The following NELL2 variants were observed in gnomAD, a reference collection of about 807,000 sequenced individuals.
NELL2 encodes the protein protein kinase C-binding protein NELL2.
A neutral mutation model predicts 109.6 loss-of-function variants in NELL2; 41 were observed. That is an observed-to-expected ratio of 0.37 (90% CI 0.29 to 0.49). NELL2 has a LOEUF of 0.49. NELL2 is among the 20% of genes least tolerant of loss of function. The pLI is 0.98. For missense variants in NELL2, 900 were observed against 1,008.3 expected, an observed-to-expected ratio of 0.89 and a Z score of 1.45; for synonymous variants, 355 against 344.7, an observed-to-expected ratio of 1.03 and a Z score of -0.33.
chr12:44,896,064 T>C (rs1480653566), intron 1 of NELL2, among the ~76,000 whole-genome samples: 3 of 152,152 alleles, frequency 2.0e-5, no homozygotes, highest in East Asian at 3.8e-4. Flanking sequence ...GAGATTTCCA[T>C]GTAGGTCAAA....
intron 12 of NELL2, among the ~76,000 whole-genome samples, chr12:44,674,514 A>G (rs1293105692): frequency 2.0e-5 from 3 of 152,226 alleles, no homozygotes; most frequent in Non-Finnish European, 4.4e-5. Flanking sequence ...TGAAATGTTC[A>G]GGAACAATAA....
intron 13 of NELL2, among the ~76,000 whole-genome samples, chr12:44,663,789 T>A (rs1004964696): frequency 6.6e-6 from 1 of 152,222 alleles, no homozygotes; most frequent in Non-Finnish European, 1.5e-5. Context: ...AATGAATCTC[T>A]TAAAAATATC....
At position 44,508,680 on chromosome 12, in the gene NELL2, T is replaced by C. The variant is rs1324285175; in HGVS notation, c.*254A>G. 6.5e-6 allele frequency: 3 copies of C among 461,420 alleles called. No homozygotes were observed. Among genetic ancestry groups the C allele is most frequent in the Non-Finnish European group, 7.9e-6 (2 of 253,732 alleles). The allele number at this position is 461,420 out of a possible 1,614,324, so 28.6% of individuals were successfully genotyped here. The stretch of plus-strand genomic sequence containing the variant: ...ATCCAGGGTTCAGGATGTCACGGTA[T>C]ATACTGTACGCCCATTCTTCTACAT... On this transcript the variant is annotated 3_prime_UTR_variant, in exon 20 of 20. Transcript: ENST00000429094.
At chr12:44,696,856 AG>A (rs1390377320) in intron 12 of NELL2, among the ~76,000 whole-genome samples, 4 of 152,220 alleles carry the variant, frequency 2.6e-5, no homozygotes, top group Admixed American at 2.0e-4. Context: ...GAAAATAAAC[AG>A]GCTGTGATTA....
rs145591709 is a variant in NELL2 at position 44,737,373 on chromosome 12, C to T, written c.995-22632G>A. Among the ~76,000 whole-genome samples, 155 of 121,802 alleles carry T rather than the reference C, an allele frequency of 1.3e-3. 1 individual carries two copies. The highest frequency in any genetic ancestry group is 2.5e-3 in the Non-Finnish European group (126 of 50,820). 79.9% of individuals were successfully genotyped at this position (121,802 alleles called of 152,430 possible). A position where few individuals can be genotyped will look rare whatever the true frequency, so the allele number is the denominator to read the frequency against. ...CAATCAATAACTTTTTTATAATAAACAAAAAACTTGTTTGTTCTTAGTTGA... is the reference window on the plus strand; with the variant it reads ...CAATCAATAACTTTTTTATAATAAATAAAAAACTTGTTTGTTCTTAGTTGA... On this transcript the variant is annotated intron_variant, in intron 9 of 19. Coordinates refer to ENST00000429094, the MANE Select transcript of NELL2 (RefSeq NM_001145108.2).
chr12:44,788,703 A>G (rs1199722016), intron 3 of NELL2, among the ~76,000 whole-genome samples: 1 of 152,170 alleles, frequency 6.6e-6, no homozygotes, highest in Non-Finnish European at 1.5e-5. Flanking sequence ...TGCAGACTCC[A>G]TAGGTGGGGA....
intron 12 of NELL2, among the ~76,000 whole-genome samples, chr12:44,689,412 G>T (rs1285886650): frequency 6.6e-6 from 1 of 152,056 alleles, no homozygotes; most frequent in Admixed American, 6.6e-5. Context: ...TTGTTCTTTA[G>T]CCCATAGGTT....
intron 2 of NELL2, among the ~76,000 whole-genome samples, chr12:44,816,923 A>G (rs1334877510): frequency 6.6e-6 from 1 of 152,266 alleles, no homozygotes; most frequent in African/African-American, 2.4e-5. Flanking sequence ...AAAACCTATC[A>G]TTCAAGCAAT....
intron 15 of NELL2, among the ~76,000 whole-genome samples, chr12:44,533,848 G>C (rs564703826): frequency 1.7e-4 from 25 of 151,214 alleles, no homozygotes; most frequent in Non-Finnish European, 2.6e-4. Context: ...AACCATTGTA[G>C]CTGCCAAAAA....
intron 15 of NELL2, among the ~76,000 whole-genome samples, chr12:44,592,816 G>C (rs1445309425): frequency 6.6e-6 from 1 of 152,192 alleles, no homozygotes; most frequent in East Asian, 1.9e-4. Flanking sequence ...TGCATTAAGA[G>C]AGCAGAAACT....
chr12:44,757,236 C>T (rs1940929647), intron 9 of NELL2, among the ~76,000 whole-genome samples: 1 of 152,092 alleles, frequency 6.6e-6, no homozygotes, highest in African/African-American at 2.4e-5. Flanking sequence ...CATTTCCTAC[C>T]TCAAACTGTA....
In NELL2 at chr12:44,542,726, C is replaced by T. The variant is rs571095513; in HGVS notation, c.1664-10005G>A. On this transcript the variant is annotated intron_variant, in intron 15 of 19. Transcript: ENST00000429094. ...CTCAGGTCTCCAGACTTTCCTGTTT[C>T]AGTCTGCATTCAGTCAGGAAAATTG... Among the ~76,000 whole-genome samples, 3 of 152,258 alleles carry T rather than the reference C, an allele frequency of 2.0e-5. No individual in the cohort carries two copies. In the South Asian group the frequency reaches 6.2e-4, roughly 32 times the overall value.
chr12:44,562,312 A>C (rs1943495284), intron 15 of NELL2, among the ~76,000 whole-genome samples: 1 of 152,248 alleles, frequency 6.6e-6, no homozygotes, highest in Non-Finnish European at 1.5e-5. Flanking sequence ...CAAAATTGAC[A>C]AATGGGATCT....
intron 2 of NELL2, among the ~76,000 whole-genome samples, chr12:44,847,248 T>G (rs1944399010): frequency 6.6e-6 from 1 of 152,206 alleles, no homozygotes; most frequent in Non-Finnish European, 1.5e-5. Context: ...GTAGAATATT[T>G]GAACCCTCAT....
intron 9 of NELL2, among the ~76,000 whole-genome samples, chr12:44,734,454 T>C (rs1252265049): frequency 1.3e-5 from 2 of 151,638 alleles, no homozygotes; most frequent in African/African-American, 2.4e-5. Context: ...ATTTAGTCTA[T>C]GTATATTTAA....
At chr12:44,907,965 G>T (rs536885809) in intron 1 of NELL2, among the ~76,000 whole-genome samples, 1 of 152,130 alleles carries the variant, frequency 6.6e-6, no homozygotes, top group African/African-American at 2.4e-5. Flanking sequence ...CATTAAATGT[G>T]GTAGTACAGG....
chr12:44,723,023 C>T (rs368904729), intron 9 of NELL2, among the ~76,000 whole-genome samples: 1 of 151,990 alleles, frequency 6.6e-6, no homozygotes, highest in African/African-American at 2.4e-5. Flanking sequence ...CCCGTCTCTA[C>T]TAAAAATACA....
intron 3 of NELL2, among the ~76,000 whole-genome samples, chr12:44,803,172 C>G (rs1942889204): frequency 6.6e-6 from 1 of 151,878 alleles, no homozygotes; most frequent in African/African-American, 2.4e-5. Context: ...GAATGAGAGG[C>G]CTATACTTCT....
intron 3 of NELL2, among the ~76,000 whole-genome samples, chr12:44,788,994 C>A (rs1473982477): frequency 1.3e-5 from 2 of 151,980 alleles, no homozygotes; most frequent in African/African-American, 4.8e-5. Context: ...ACCCCCACAG[C>A]AACCTGCCCA....
Sources: allele counts gnomAD v4.1 joint callset (sites outside exome capture counted in the v4.1 genomes callset), GRCh38; gene constraint gnomAD v4.1.1; transcripts MANE v1.5; gene names NCBI Gene and HGNC (gene_info 2026-07-23, HGNC 2026-07-21).